Variants in USP10 observed in about 807,000 individuals in gnomAD.
USP10 encodes ubiquitin specific peptidase 10.
Under a neutral mutation model 84.5 loss-of-function variants are expected in USP10, and 22 were observed. The observed-to-expected ratio is 0.26, with a 90% CI of 0.19 to 0.37. The LOEUF (loss-of-function observed/expected upper bound fraction) is 0.37. USP10 is among the 10% of genes least tolerant of loss of function. The pLI is 1.00. For synonymous variants in USP10, 454 were observed against 387.6 expected (o/e 1.17, Z -2.01); for missense variants, 1,019 against 998.9 (o/e 1.02, Z -0.27).
rs527757133 is a variant in USP10 at position 84,725,278 on chromosome 16, T to C, written c.22-8157T>C. ...ATTTGCCTATTCTTGGCATTTCATATGAATGGAAGAAACAATTTATGGCTC... is the reference window on the plus strand; with the variant it reads ...ATTTGCCTATTCTTGGCATTTCATACGAATGGAAGAAACAATTTATGGCTC... On this transcript the variant is annotated intron_variant, in intron 1 of 13. Transcript: ENST00000219473. Among the ~76,000 whole-genome samples, 16 of 152,360 alleles carry C rather than the reference T, an allele frequency of 1.1e-4. No individual in the cohort carries two copies. In the South Asian group the frequency reaches 3.1e-3, roughly 30 times the overall value.
At chr16:84,729,129 A>G (rs1908889314) in intron 1 of USP10, among the ~76,000 whole-genome samples, 1 of 152,222 alleles carries the variant, frequency 6.6e-6, no homozygotes, top group Non-Finnish European at 1.5e-5. Context: ...AATAGTGTTG[A>G]TAATAAATGC....
chr16:84,754,048 G>C (rs1315058570), intron 4 of USP10, among the ~76,000 whole-genome samples: 1 of 152,124 alleles, frequency 6.6e-6, no homozygotes, highest in Non-Finnish European at 1.5e-5. Context: ...TACCTTAGAT[G>C]GTGCGGACTT....
intron 3 of USP10, among the ~76,000 whole-genome samples, chr16:84,743,696 T>C (rs1324351763): frequency 1.3e-5 from 2 of 152,208 alleles, no homozygotes; most frequent in Non-Finnish European, 2.9e-5. Flanking sequence ...TTGATTTCTG[T>C]TGAAAGACAC....
At chr16:84,728,278 T>C (rs1017891963) in intron 1 of USP10, among the ~76,000 whole-genome samples, 3 of 152,230 alleles carry the variant, frequency 2.0e-5, no homozygotes, top group African/African-American at 7.2e-5. Context: ...TAATTGTCAC[T>C]CACTGGTATT....
chr16:84,711,195 G>A (rs1906242160), intron 1 of USP10, among the ~76,000 whole-genome samples: 1 of 152,158 alleles, frequency 6.6e-6, no homozygotes, highest in South Asian at 2.1e-4. Flanking sequence ...CATTTACCCA[G>A]TACTTGCTCT....
chr16:84,733,309 T>C (rs958365694), intron 1 of USP10, 126 bp from the exon 2 acceptor site: 6 of 707,342 alleles, frequency 8.5e-6, no homozygotes, highest in East Asian at 5.4e-5. Flanking sequence ...CTCTGTTTAA[T>C]TGAGAAAGGA....
At chr16:84,758,380 A>G (rs952182456) in intron 4 of USP10, among the ~76,000 whole-genome samples, 1 of 152,184 alleles carries the variant, frequency 6.6e-6, no homozygotes, top group Non-Finnish European at 1.5e-5. Flanking sequence ...TAAGGAAGAA[A>G]GGCTGTATCT....
intron 1 of USP10, among the ~76,000 whole-genome samples, chr16:84,731,579 G>A (rs764483588): frequency 2.0e-5 from 3 of 151,992 alleles, no homozygotes; most frequent in Non-Finnish European, 4.4e-5. Context: ...TTGAAAAGTA[G>A]TTTATAGAAT....
chr16:84,751,176 G>A (rs984581531), intron 4 of USP10, among the ~76,000 whole-genome samples: 5 of 152,302 alleles, frequency 3.3e-5, no homozygotes, highest in African/African-American at 7.2e-5. Flanking sequence ...CATGCTGTAC[G>A]GGTTTGTAGC....
chr16:84,762,886 C>G (rs2150854983), intron 8 of USP10, 103 bp from the exon 9 acceptor site: 1 of 619,178 alleles, frequency 1.6e-6, no homozygotes. Flanking sequence ...TTTACATCTT[C>G]CATTTCAGAG....
intron 13 of USP10, 147 bp downstream of exon 13, chr16:84,775,372 G>C (rs757655093): frequency 9.8e-6 from 7 of 712,504 alleles, no homozygotes; most frequent in African/African-American, 1.8e-5. Context: ...AGTCACGTGA[G>C]AGTTTTACCT....
intron 1 of USP10, among the ~76,000 whole-genome samples, chr16:84,712,347 C>T (rs970254861): frequency 6.6e-6 from 1 of 152,136 alleles, no homozygotes; most frequent in African/African-American, 2.4e-5. Flanking sequence ...ATGGATGAGC[C>T]GGAAGCAGCC....
At chr16:84,713,504 C>A (rs1379865522) in intron 1 of USP10, among the ~76,000 whole-genome samples, 1 of 152,126 alleles carries the variant, frequency 6.6e-6, no homozygotes, top group Non-Finnish European at 1.5e-5. Context: ...CTCTCGTCCT[C>A]CCCCAATGTA....
chr16:84,769,233 CATGACTGGG>C (rs1454571553), intron 11 of USP10, among the ~76,000 whole-genome samples: 1 of 152,144 alleles, frequency 6.6e-6, no homozygotes, highest in Non-Finnish European at 1.5e-5. Context: ...CATCACATTG[CATGACTGGG>C]ATGGATCTAT....
chr16:84,741,080 A>G (rs744838), intron 3 of USP10, among the ~76,000 whole-genome samples: 60,100 of 152,148 alleles, frequency 0.4, 12,612 homozygotes, highest in East Asian at 0.67. Flanking sequence ...ACTGATGCCA[A>G]ACTTTTTCTT....
intron 1 of USP10, among the ~76,000 whole-genome samples, chr16:84,715,655 C>A (rs1043410930): frequency 1.3e-5 from 2 of 151,500 alleles, no homozygotes; most frequent in African/African-American, 4.9e-5. Flanking sequence ...TTTAAAAAAA[C>A]AAACAAGTAG....
intron 1 of USP10, 103 bp from the exon 2 acceptor site, chr16:84,733,332 T>G (rs1172271208): frequency 2.3e-6 from 2 of 875,000 alleles, no homozygotes; most frequent in Non-Finnish European, 3.6e-6. Context: ...TTGGGGGTTA[T>G]GGCCCAAATG....
chr16:84,744,804 C>G lies in USP10; in HGVS notation c.323C>G (p.Ala108Gly), dbSNP rs531913317. ...KITPDGITKE[A>G]SYGSIDCQYP... ...ACCCCTGATGGTATCACTAAAGAAG[C>G]AAGCTATGGCTCCATCGACTGCCAG... is the stretch of plus-strand genomic sequence containing the variant. The change falls in exon 4 of 14, where the codon GCA becomes GGA. Residue 108 changes from alanine to glycine, a missense_variant. Around this residue, in one of 2 missense-constraint regions of USP10, gnomAD observed 787 missense variants for 708.8 expected, o/e 1.11. Coordinates refer to ENST00000219473, the MANE Select transcript of USP10 (RefSeq NM_005153.3). 2 of 1,613,644 alleles carry G rather than the reference C, an allele frequency of 1.2e-6. No homozygotes were observed. The highest frequency in any genetic ancestry group is 1.3e-5 in the African/African-American group (1 of 74,908).
chr16:84,731,278 C>G (rs1366037525), intron 1 of USP10, among the ~76,000 whole-genome samples: 1 of 151,314 alleles, frequency 6.6e-6, no homozygotes. Context: ...CGCTCCCGGC[C>G]TCTACTTTTT....
Sources: allele counts gnomAD v4.1 joint callset (sites outside exome capture counted in the v4.1 genomes callset), GRCh38; gene constraint gnomAD v4.1.1; regional missense constraint gnomAD v4.1.1; transcripts MANE v1.5; gene names NCBI Gene and HGNC (gene_info 2026-07-23, HGNC 2026-07-21).